Variants in ADGRD1 observed in about 807,000 individuals in gnomAD.
The protein encoded by ADGRD1 is adhesion G protein-coupled receptor D1.
In ADGRD1, 77 loss-of-function variants were observed where a neutral mutation model predicts 113.4. The observed-to-expected ratio is 0.68, with a 90% confidence interval of 0.57 to 0.82. ADGRD1 has a LOEUF of 0.82. ADGRD1 is among the 40% of genes least tolerant of loss of function. ADGRD1 has a pLI of 0.00. For synonymous variants in ADGRD1, 474 were observed against 475.0 expected (o/e 1.00, Z 0.03); for missense variants, 1,036 against 1,139.1 (o/e 0.91, Z 1.30).
intron 13 of ADGRD1, among the ~76,000 whole-genome samples, chr12:131,043,448 C>T (rs922515803): frequency 1.3e-5 from 2 of 152,356 alleles, no homozygotes; most frequent in Middle Eastern, 3.4e-3. Flanking sequence ...AGCAGCCACG[C>T]TCACTGCCCT....
At chr12:131,068,704 T>A (rs1884917707) in intron 13 of ADGRD1, among the ~76,000 whole-genome samples, 1 of 152,224 alleles carries the variant, frequency 6.6e-6, no homozygotes, top group South Asian at 2.1e-4. Context: ...AGAGGCCAGC[T>A]ATAACAAAAT....
chr12:131,081,662 T>C (rs868126215), intron 14 of ADGRD1, among the ~76,000 whole-genome samples: 34 of 152,270 alleles, frequency 2.2e-4, no homozygotes, highest in African/African-American at 7.9e-4. Flanking sequence ...TAGTATTTTT[T>C]CCCCCGGATA....
chr12:131,102,903 G>A (rs914734811), intron 15 of ADGRD1, among the ~76,000 whole-genome samples: 10 of 152,190 alleles, frequency 6.6e-5, no homozygotes, highest in African/African-American at 2.2e-4. Context: ...ACAAGAAACC[G>A]CAGCCATTCT....
intron 13 of ADGRD1, among the ~76,000 whole-genome samples, chr12:131,037,345 C>T (rs112591958): frequency 0.016 from 775 of 49,956 alleles, 14 homozygotes; most frequent in Admixed American, 0.078. Flanking sequence ...CTGCACCGGG[C>T]CTCACTCACT....
At chr12:131,129,880 C>T (rs969538757) in intron 20 of ADGRD1, among the ~76,000 whole-genome samples, 14 of 152,254 alleles carry the variant, frequency 9.2e-5, no homozygotes, top group Admixed American at 2.6e-4. Context: ...ACTGGAGGCA[C>T]GAAAGTGCTT....
Position 131,105,883 on chromosome 12 carries a change from C to T in ADGRD1, c.1887+18C>T, listed in dbSNP as rs201680474. The stretch of plus-strand genomic sequence containing the variant: ...CGGGCACGGTGAGTGGGCGCAGCTC[C>T]GTGTTCCTGCGCTGTCCTTCCCTTG... On this transcript the variant is annotated intron_variant, in intron 17 of 24. Transcript: ENST00000261654. 3.9e-5 allele frequency: 61 copies of T among 1,553,502 alleles called. No individual in the cohort carries two copies. The African/African-American group carries it at 4.0e-4, about 10-fold the overall frequency.
intron 6 of ADGRD1, chr12:130,988,068 T>G (rs35415348): frequency 0.09 from 13,796 of 152,684 alleles, 813 homozygotes; most frequent in Middle Eastern, 0.15. Context: ...ATTTTGGAGA[T>G]TCCACATAAA....
rs558038937 is a variant in ADGRD1, at chr12:131,053,103, C to T, written c.1474-23698C>T. Among the ~76,000 whole-genome samples, 8 of 152,330 alleles carry T rather than the reference C, an allele frequency of 5.3e-5. No homozygotes were observed. In the South Asian group the frequency reaches 1.5e-3, roughly 28 times the overall value. On this transcript the variant is annotated intron_variant, in intron 13 of 24. Coordinates refer to ENST00000261654, the MANE Select transcript of ADGRD1 (RefSeq NM_198827.5). Reference sequence around the variant, plus strand: ...AGGCCTGGGCCTTTCTCGGTCAGATCGGGGCACTGGGACCTCCCAAGTCAC... The same window carrying T: ...AGGCCTGGGCCTTTCTCGGTCAGATTGGGGCACTGGGACCTCCCAAGTCAC...
chr12:131,110,286 T>G (rs549259647), intron 18 of ADGRD1, among the ~76,000 whole-genome samples: 1 of 152,330 alleles, frequency 6.6e-6, no homozygotes, highest in South Asian at 2.1e-4. Context: ...ATTCTTCCTT[T>G]ACTTCTTTCT....
Position 131,140,483 on chromosome 12 carries a change from C to T in ADGRD1, c.*1220C>T, listed in dbSNP as rs1308543048. ...TTGGGATCATAGATGTGAATTAAGA[C>T]ACCACCGAGATACGGGCTGTGAGGT... is the stretch of plus-strand genomic sequence containing the variant. On this transcript the variant is annotated 3_prime_UTR_variant, in exon 25 of 25. Coordinates refer to ENST00000261654, the MANE Select transcript of ADGRD1 (RefSeq NM_198827.5). 1 of 148,236 alleles carries T rather than the reference C, an allele frequency of 6.7e-6. No individual in the cohort carries two copies. Among genetic ancestry groups the T allele is most frequent in the Non-Finnish European group, 1.5e-5 (1 of 66,658 alleles). 9.2% of individuals were successfully genotyped at this position (148,236 alleles called of 1,614,324 possible).
rs1442421096 is a variant in ADGRD1 at position 131,057,927 on chromosome 12, C to G, written c.1474-18874C>G. On this transcript the variant is annotated intron_variant, in intron 13 of 24. Transcript: ENST00000261654. This position sits in a 1 kb window ranked among gnomAD's most constrained non-coding sequence, Gnocchi z 4.2. ...ACCGCAGCCGTCTTCGTGCTCATCT[C>G]GCTTCTTTCTTGTTCATGTTTTTCC... 6.6e-6 allele frequency among the ~76,000 whole-genome samples: 1 copy of G among 152,174 alleles called. No homozygotes were observed. Among genetic ancestry groups the G allele is most frequent in the African/African-American group, 2.4e-5 (1 of 41,424 alleles).
chr12:131,074,214 A>T (rs1036657186), intron 13 of ADGRD1, among the ~76,000 whole-genome samples: 16 of 152,244 alleles, frequency 1.1e-4, no homozygotes, highest in African/African-American at 3.9e-4. Context: ...TTGTTGGAGC[A>T]CATCTCAGAT....
chr12:131,060,485 C>G lies in ADGRD1; in HGVS notation c.1474-16316C>G, dbSNP rs1025528064. Among the ~76,000 whole-genome samples the G allele has an allele frequency of 6.6e-6, 1 of 152,176 alleles. No homozygotes were observed. Among genetic ancestry groups the G allele is most frequent in the African/African-American group, 2.4e-5 (1 of 41,418 alleles). ...CAATGCTGTGTCAGAGCGATGCTGG[C>G]TGTTAACTGCTGGCTGGGTCACACC... On this transcript the variant is annotated intron_variant, in intron 13 of 24. Transcript: ENST00000261654. The surrounding 1 kb of genome is among the most constrained non-coding windows in gnomAD (Gnocchi z 4.4).
At chr12:131,000,637 A>T (rs1302170399) in intron 9 of ADGRD1, among the ~76,000 whole-genome samples, 195 bp downstream of exon 9, 2 of 150,498 alleles carry the variant, frequency 1.3e-5, no homozygotes, top group Admixed American at 6.6e-5. Flanking sequence ...GCTACTCAGG[A>T]GGCTGAGGCA....
At chr12:131,094,589 C>CT (rs397700071) in intron 15 of ADGRD1, among the ~76,000 whole-genome samples, 2 of 152,112 alleles carry the variant, frequency 1.3e-5, no homozygotes, top group Non-Finnish European at 2.9e-5. Flanking sequence ...AGCGCCCCCC[C>CT]GACTCCCCAA....
chr12:130,958,642 G>A (rs1045569914), intron 2 of ADGRD1, among the ~76,000 whole-genome samples: 1 of 152,056 alleles, frequency 6.6e-6, no homozygotes, highest in African/African-American at 2.4e-5. Flanking sequence ...CTTGAGGCTC[G>A]CCTGCCCCCG....
At chr12:131,018,659 T>A (rs1428593574) in intron 13 of ADGRD1, among the ~76,000 whole-genome samples, 1 of 152,232 alleles carries the variant, frequency 6.6e-6, no homozygotes, top group Non-Finnish European at 1.5e-5. Context: ...CCCACCTCCC[T>A]GATATGGAGG....
chr12:131,021,333 C>T (rs1879290110), intron 13 of ADGRD1, among the ~76,000 whole-genome samples: 2 of 152,128 alleles, frequency 1.3e-5, no homozygotes, highest in African/African-American at 4.8e-5. Flanking sequence ...TAGGCAACTG[C>T]AGTCTGTACG....
intron 3 of ADGRD1, chr12:130,968,923 T>G: frequency 1.0e-6 from 1 of 994,722 alleles, no homozygotes; most frequent in Non-Finnish European, 1.5e-6. Context: ...TTGGTCCCAT[T>G]TGTCTTTTGT....
Sources: allele counts gnomAD v4.1 joint callset (sites outside exome capture counted in the v4.1 genomes callset), GRCh38; gene constraint gnomAD v4.1.1; non-coding constraint Gnocchi (gnomAD v3.1); transcripts MANE v1.5; gene names NCBI Gene and HGNC (gene_info 2026-07-23, HGNC 2026-07-21).